Variants in CCDC171 observed in about 807,000 individuals in gnomAD.
CCDC171 encodes the protein coiled-coil domain-containing protein 171.
CCDC171 carries 177 observed loss-of-function variants against 168.2 expected under a neutral mutation model. That is an observed-to-expected ratio of 1.05 (90% CI 0.93 to 1.19). The LOEUF is 1.19. Among genes scored for constraint, CCDC171 ranks in the 50% most tolerant of loss-of-function variants. The probability of loss-of-function intolerance (pLI) is 0.00; values close to 1 mark genes in which losing one functional copy is unlikely to be tolerated. For synonymous variants in CCDC171, 687 were observed against 540.8 expected (o/e 1.27, Z -3.75); for missense variants, 1,991 against 1,539.0 (o/e 1.29, Z -4.91).
At chr9:16,078,323 G>A in the CCDC171 span, among the ~76,000 whole-genome samples, 2 of 152,190 alleles carry the variant, frequency 1.3e-5, no homozygotes, top group South Asian at 2.1e-4. Context: ...CTGAGGCACG[G>A]CAGGGAGAAT....
At chr9:15,669,997 A>G (rs1021207925) in intron 9 of CCDC171, among the ~76,000 whole-genome samples, 1 of 150,886 alleles carries the variant, frequency 6.6e-6, no homozygotes, top group Non-Finnish European at 1.5e-5. Flanking sequence ...AGTAGGAAAG[A>G]AGGGATCCTA....
chr9:15,755,893 C>G (rs2056079519), intron 18 of CCDC171, among the ~76,000 whole-genome samples: 1 of 152,132 alleles, frequency 6.6e-6, no homozygotes, highest in East Asian at 1.9e-4. Flanking sequence ...AGTTGCACAA[C>G]TCTGTGAGTA....
intron 6 of CCDC171, among the ~76,000 whole-genome samples, chr9:15,604,824 C>G (rs771903366): frequency 6.6e-6 from 1 of 152,058 alleles, no homozygotes; most frequent in African/African-American, 2.4e-5. Flanking sequence ...TTAGGAATAT[C>G]CACGTAACAG....
intron 1 of CCDC171, among the ~76,000 whole-genome samples, chr9:16,052,239 C>G (rs1833760781): frequency 1.3e-5 from 2 of 152,150 alleles, no homozygotes; most frequent in Non-Finnish European, 2.9e-5. Flanking sequence ...GAGAGGGAGG[C>G]TCTGAGGAGG....
chr9:15,764,477 A>C (rs1036819367), intron 18 of CCDC171, among the ~76,000 whole-genome samples: 1 of 152,186 alleles, frequency 6.6e-6, no homozygotes, highest in African/African-American at 2.4e-5. Context: ...TTGCTGATGT[A>C]TGTTGAATGT....
chr9:16,078,138 G>T, the CCDC171 span, among the ~76,000 whole-genome samples: 1 of 151,582 alleles, frequency 6.6e-6, no homozygotes, highest in South Asian at 2.1e-4. Context: ...CTTGATTGCG[G>T]TCATTTCAGT....
At chr9:15,664,648 C>T (rs2048591436) in intron 8 of CCDC171, among the ~76,000 whole-genome samples, 3 of 146,354 alleles carry the variant, frequency 2.0e-5, no homozygotes, top group South Asian at 4.3e-4. Context: ...GTTGGAATCT[C>T]TTGTTTATTC....
chr9:15,902,556 G>A (rs1437563943), intron 24 of CCDC171, among the ~76,000 whole-genome samples: 1 of 151,172 alleles, frequency 6.6e-6, no homozygotes, highest in African/African-American at 2.4e-5. Context: ...CTGAGGTGGA[G>A]CCAAGATGGC....
At chr9:15,617,656 G>A (rs1444650175) in intron 6 of CCDC171, among the ~76,000 whole-genome samples, 2 of 152,140 alleles carry the variant, frequency 1.3e-5, no homozygotes, top group Non-Finnish European at 2.9e-5. Context: ...GATTACAGGC[G>A]TGAGCCACCA....
In CCDC171 at chr9:16,054,068, C is replaced by T. The variant is rs374619607; in HGVS notation, n.90-6578C>T. Among the ~76,000 whole-genome samples, 231 of 152,268 alleles carry T rather than the reference C, an allele frequency of 1.5e-3. 1 individual carries two copies. Among genetic ancestry groups the T allele is most frequent in the African/African-American group, 5.0e-3 (209 of 41,532 alleles). On this transcript the variant is annotated intron_variant and non_coding_transcript_variant, in intron 1 of 1. Transcript: ENST00000478913. ...TCTGAAACCATCTTTCCTTTTCTTC[C>T]GGGTTCAGCGCTCCTTTTAAAAGTG...
chr9:15,762,304 A>T (rs938695955), intron 18 of CCDC171, among the ~76,000 whole-genome samples: 2 of 152,056 alleles, frequency 1.3e-5, no homozygotes, highest in Non-Finnish European at 2.9e-5. Flanking sequence ...TTTAGAAAAA[A>T]TTTTTACCTC....
At chr9:15,946,930 CT>C (rs1251668317) in intron 25 of CCDC171, among the ~76,000 whole-genome samples, 1 of 151,864 alleles carries the variant, frequency 6.6e-6, no homozygotes, top group African/African-American at 2.4e-5. Flanking sequence ...TATATAAACA[CT>C]TTTTTTCTGA....
intron 24 of CCDC171, among the ~76,000 whole-genome samples, chr9:15,898,406 T>C (rs1467182525): frequency 6.6e-6 from 1 of 152,110 alleles, no homozygotes; most frequent in Non-Finnish European, 1.5e-5. Context: ...ATAGCTGGTG[T>C]TGCTATCACA....
intron 21 of CCDC171, among the ~76,000 whole-genome samples, chr9:15,824,457 A>G (rs80230487): frequency 0.041 from 6,214 of 151,860 alleles, 294 homozygotes; most frequent in South Asian, 0.11. Context: ...TCAGTCTTCT[A>G]TTGGTGCTTT....
chr9:15,724,511 C>G (rs1046945034), intron 13 of CCDC171, among the ~76,000 whole-genome samples: 4 of 152,040 alleles, frequency 2.6e-5, no homozygotes, highest in African/African-American at 9.7e-5. Context: ...AGGAAACTCC[C>G]TTGGAAGAAC....
Position 15,846,817 on chromosome 9 carries a change from ATGCAGAGAG to A in CCDC171, c.3387_3395del (p.Glu1130_Ala1132del). 1 of 1,610,018 alleles carries A rather than the reference ATGCAGAGAG, an allele frequency of 6.2e-7. No individual in the cohort carries two copies. The highest frequency in any genetic ancestry group is 8.5e-7 in the Non-Finnish European group (1 of 1,177,896). On this transcript the variant is annotated inframe_deletion, in exon 22 of 26. Coordinates refer to ENST00000380701, the MANE Select transcript of CCDC171 (RefSeq NM_173550.4). ...CGTCGACTGGAGGAGAACATCCATG[ATGCAGAGAG>A]TGCCCTCCGCATGGCAGCCAAGTGA...
chr9:15,628,991 T>G (rs562124934), intron 7 of CCDC171, among the ~76,000 whole-genome samples: 15 of 152,242 alleles, frequency 9.9e-5, no homozygotes, highest in African/African-American at 3.6e-4. Flanking sequence ...GAAGGAAAAC[T>G]AACAAACAGA....
chr9:16,105,887 T>C, the CCDC171 span, among the ~76,000 whole-genome samples: 84 of 152,366 alleles, frequency 5.5e-4, 1 homozygote, highest in African/African-American at 1.9e-3. Flanking sequence ...TCCAAAACTT[T>C]GAACACAAGG....
intron 3 of CCDC171, among the ~76,000 whole-genome samples, chr9:16,013,287 T>C (rs1832922732): frequency 1.3e-5 from 2 of 152,216 alleles, no homozygotes; most frequent in Admixed American, 6.5e-5. Flanking sequence ...GCCATCATTA[T>C]TTATTCCCTG....
Sources: gnomAD v4.1 joint callset for allele counts (sites outside exome capture counted in the v4.1 genomes callset) on GRCh38, gnomAD v4.1.1 for gene constraint, MANE v1.5 for transcripts, NCBI Gene and HGNC (gene_info 2026-07-23, HGNC 2026-07-21) for gene names.